The following ABL1 variants were observed in gnomAD, a reference collection of about 807,000 sequenced individuals.
ABL1 encodes the protein ABL proto-oncogene 1, non-receptor tyrosine kinase, also known as tyrosine-protein kinase ABL1.
Under a neutral mutation model 94.7 loss-of-function variants are expected in ABL1, and 11 were observed. The ratio of observed to expected loss-of-function variants is 0.12; its 90% CI spans 0.07 to 0.19. The LOEUF (loss-of-function observed/expected upper bound fraction) is 0.19. Among genes scored for constraint, ABL1 ranks in the 10% least tolerant of loss-of-function variants. The pLI is 1.00. For synonymous variants in ABL1, 656 were observed against 622.4 expected (o/e 1.05, Z -0.80); for missense variants, 1,082 against 1,489.4 (o/e 0.73, Z 4.50).
chr9:130,796,924 A>C (rs1829982656), intron 1 of ABL1, among the ~76,000 whole-genome samples: 1 of 99,188 alleles, frequency 1.0e-5, no homozygotes, highest in South Asian at 2.8e-4. Context: ...TCATCTCAAA[A>C]AAAAAAAAAA....
At chr9:130,853,991 G>C (rs1053867880) in intron 1 of ABL1, 73 bp from the exon 2 acceptor site, 5 of 1,486,820 alleles carry the variant, frequency 3.4e-6, no homozygotes, top group Non-Finnish European at 4.5e-6. Context: ...TTTTGCTTCT[G>C]AGAATAAAAC....
At chr9:130,735,961 A>ATATATATATATTT (rs573602038) in intron 1 of ABL1, among the ~76,000 whole-genome samples, 21 of 94,838 alleles carry the variant, frequency 2.2e-4, no homozygotes, top group African/African-American at 1.2e-3. Flanking sequence ...ATATATATAT[A>ATATATATATATTT]TTTTTTTTTT....
intron 6 of ABL1, among the ~76,000 whole-genome samples, chr9:130,874,620 T>C (rs981890436): frequency 2.0e-5 from 3 of 152,222 alleles, no homozygotes; most frequent in Non-Finnish European, 4.4e-5. Flanking sequence ...CCCAGGGTAA[T>C]TAACTTGCTC....
At chr9:130,804,412 C>T (rs909561321) in intron 1 of ABL1, among the ~76,000 whole-genome samples, 2 of 152,066 alleles carry the variant, frequency 1.3e-5, no homozygotes, top group African/African-American at 4.8e-5. Flanking sequence ...CATGGAGAAA[C>T]CCCGTCTCTA....
chr9:130,855,146 A>G, intron 3 of ABL1, 50 bp downstream of exon 3: 1 of 1,546,006 alleles, frequency 6.5e-7, no homozygotes, highest in Non-Finnish European at 8.8e-7. Flanking sequence ...CAGGGGAACC[A>G]GAGGTCCTGC....
chr9:130,788,742 G>T (rs1459241303), intron 1 of ABL1, among the ~76,000 whole-genome samples: 2 of 152,118 alleles, frequency 1.3e-5, no homozygotes, highest in African/African-American at 4.8e-5. Flanking sequence ...TTCAATTTTG[G>T]CTGGAACATT....
intron 1 of ABL1, among the ~76,000 whole-genome samples, chr9:130,767,856 C>T (rs1832203976): frequency 6.6e-6 from 1 of 152,138 alleles, no homozygotes; most frequent in Admixed American, 6.5e-5. Flanking sequence ...AAGTTTCATG[C>T]AGAAGAAAGT....
chr9:130,746,193 C>T (rs1831885574), intron 1 of ABL1, among the ~76,000 whole-genome samples: 1 of 149,360 alleles, frequency 6.7e-6, no homozygotes, highest in Non-Finnish European at 1.5e-5. Context: ...TTTCTTGTTC[C>T]TAAATTTAAA....
rs2132958500 is a variant in ABL1 at position 130,855,060 on chromosome 9, G to A, written c.513G>A (p.Val171=). 1.2e-6 allele frequency: 2 copies of A among 1,614,198 alleles called. No individual in the cohort carries two copies. The highest frequency in any genetic ancestry group is 1.1e-5 in the South Asian group (1 of 91,090). ...RSISLRYEGR[V]YHYRINTASD... ...TCTCGCTGAGATACGAAGGGAGGGT[G>A]TACCATTACAGGATCAACACTGCTT... The change falls in exon 3 of 11, where the codon GTG becomes GTA. Residue 171 remains valine (V), a synonymous_variant. Coordinates refer to ENST00000318560, the MANE Select transcript of ABL1 (RefSeq NM_005157.6).
intron 1 of ABL1, among the ~76,000 whole-genome samples, chr9:130,791,533 G>A (rs1829908587): frequency 6.6e-6 from 1 of 152,136 alleles, no homozygotes. Flanking sequence ...GCACCATCCA[G>A]TTGGTTGCCA....
At chr9:130,781,535 A>T (rs1213332039) in intron 1 of ABL1, among the ~76,000 whole-genome samples, 1 of 152,204 alleles carries the variant, frequency 6.6e-6, no homozygotes, top group Non-Finnish European at 1.5e-5. Flanking sequence ...ACCATTGACC[A>T]TATTTATATA....
At chr9:130,780,821 C>T (rs1393364037) in intron 1 of ABL1, among the ~76,000 whole-genome samples, 1 of 152,132 alleles carries the variant, frequency 6.6e-6, no homozygotes, top group Non-Finnish European at 1.5e-5. Flanking sequence ...GAAATGTGGT[C>T]CTAAAGAGAA....
In ABL1 at chr9:130,878,064, C is replaced by T. The variant is rs1053927431; in HGVS notation, c.1271-351C>T. ...TCCTGACCTCGTGATCCGCCCGCCT[C>T]GGCCTCCCAAAGTGCTGGGATTACA... On this transcript the variant is annotated intron_variant, in intron 7 of 10. Transcript: ENST00000318560. Among the ~76,000 whole-genome samples the T allele has an allele frequency of 7.9e-5, 12 of 152,128 alleles. 1 individual carries two copies. Among genetic ancestry groups the T allele is most frequent in the East Asian group, 1.9e-4 (1 of 5,184 alleles).
At chr9:130,815,709 C>T (rs192681753) in intron 1 of ABL1, among the ~76,000 whole-genome samples, 3 of 152,214 alleles carry the variant, frequency 2.0e-5, no homozygotes, top group Admixed American at 2.0e-4. Context: ...CCTTCCAGTA[C>T]CTTCCCAGCT....
chr9:130,794,917 G>C (rs2132814768), intron 1 of ABL1, among the ~76,000 whole-genome samples: 1 of 152,246 alleles, frequency 6.6e-6, no homozygotes, highest in Non-Finnish European at 1.5e-5. Context: ...GACTCACTTG[G>C]CTTTCAAAAG....
At chr9:130,882,730 T>C (rs1831481503) in intron 10 of ABL1, among the ~76,000 whole-genome samples, 1 of 152,008 alleles carries the variant, frequency 6.6e-6, no homozygotes, top group African/African-American at 2.4e-5. Flanking sequence ...GAGACGGGGT[T>C]TCATCATGTT....
At chr9:130,845,531 G>A (rs148879096) in intron 1 of ABL1, among the ~76,000 whole-genome samples, 114 of 152,076 alleles carry the variant, frequency 7.5e-4, no homozygotes, top group Middle Eastern at 3.4e-3. Context: ...TAGTAGAGAC[G>A]TGGTTTAGTA....
rs117295966 is a variant in ABL1 at position 130,744,052 on chromosome 9, A to G, written c.136+29597A>G. Among the ~76,000 whole-genome samples, 602 of 151,620 alleles carry G rather than the reference A, an allele frequency of 4.0e-3. 3 individuals carry two copies. The highest frequency in any genetic ancestry group is 0.017 in the East Asian group (89 of 5,162). On this transcript the variant is annotated intron_variant, in intron 1 of 10. Transcript: ENST00000372348. ...TTTTATCTTTAAAACAAATTTTAGT[A>G]CTGGTAACATTTATTAACTTTTTTT...
chr9:130,872,750 C>A lies in ABL1; in HGVS notation c.908-110C>A. 1 of 1,183,686 alleles carries A rather than the reference C, an allele frequency of 8.4e-7. No individual in the cohort carries two copies. Among genetic ancestry groups the A allele is most frequent in the Non-Finnish European group, 1.2e-6 (1 of 838,264 alleles). 73.3% of individuals were successfully genotyped at this position (1,183,686 alleles called of 1,614,324 possible). Reference sequence around the variant, plus strand: ...TTGGGACCATGTTGGAAGTTGGGCCCAGGACTGAGGAGCAGAGTCAGAATC... The same window carrying A: ...TTGGGACCATGTTGGAAGTTGGGCCAAGGACTGAGGAGCAGAGTCAGAATC... On this transcript the variant is annotated intron_variant, in intron 5 of 10. Transcript: ENST00000318560. The surrounding 1 kb of genome is among the most constrained non-coding windows in gnomAD (Gnocchi z 5.0).
Sources: gnomAD v4.1 joint callset for allele counts (sites outside exome capture counted in the v4.1 genomes callset) on GRCh38, gnomAD v4.1.1 for gene constraint, Gnocchi (gnomAD v3.1) non-coding constraint, MANE v1.5 for transcripts, NCBI Gene and HGNC (gene_info 2026-07-23, HGNC 2026-07-21) for gene names.